The following CNTNAP2 variants were observed in gnomAD, a reference collection of about 807,000 sequenced individuals.
The protein encoded by CNTNAP2 is contactin-associated protein-like 2.
In CNTNAP2, 98 loss-of-function variants were observed where a neutral mutation model predicts 155.2. The ratio of observed to expected loss-of-function variants is 0.63; its 90% CI spans 0.54 to 0.75. CNTNAP2 has a LOEUF of 0.75. CNTNAP2 is among the 30% of genes least tolerant of loss of function. The probability of loss-of-function intolerance (pLI) is 0.00; values close to 1 mark genes in which losing one functional copy is unlikely to be tolerated. For missense variants in CNTNAP2, 1,727 were observed against 1,688.1 expected (o/e 1.02, Z -0.40); for synonymous variants, 651 against 631.2 (o/e 1.03, Z -0.47).
At chr7:147,610,055 T>G (rs762525203) in intron 12 of CNTNAP2, among the ~76,000 whole-genome samples, 10 of 152,114 alleles carry the variant, frequency 6.6e-5, no homozygotes, top group Non-Finnish European at 1.0e-4. Context: ...TAAAGCTAAA[T>G]TAGTCATTAT....
intron 8 of CNTNAP2, among the ~76,000 whole-genome samples, chr7:147,164,137 A>G (rs1802077786): frequency 6.6e-6 from 1 of 152,238 alleles, no homozygotes; most frequent in South Asian, 2.1e-4. Context: ...CATAATTGAA[A>G]GAACGTTATT....
chr7:147,937,449 A>G (rs1245879922), intron 14 of CNTNAP2, among the ~76,000 whole-genome samples: 1 of 152,158 alleles, frequency 6.6e-6, no homozygotes, highest in Non-Finnish European at 1.5e-5. Context: ...TGGGACACAA[A>G]TCATATCAAT....
At chr7:148,245,672 A>G (rs1413542608) in intron 20 of CNTNAP2, among the ~76,000 whole-genome samples, 2 of 152,150 alleles carry the variant, frequency 1.3e-5, no homozygotes, top group Admixed American at 6.5e-5. Context: ...GACTCCCCCA[A>G]GCTTTCTCTC....
chr7:148,419,073 A>G lies in CNTNAP2; in HGVS notation c.*3457A>G, dbSNP rs1244432480. The G allele has an allele frequency of 1.3e-5, 2 of 152,232 alleles. No homozygotes were observed. The highest frequency in any genetic ancestry group is 2.9e-5 in the Non-Finnish European group (2 of 68,082). The allele number at this position is 152,232 out of a possible 1,614,324, so 9.4% of individuals were successfully genotyped here. A position where few individuals can be genotyped will look rare whatever the true frequency, so the allele number is the denominator to read the frequency against. ...TGTCAAGAAGCTTTTCTTTCCTTCT[A>G]TGATGGAATCTGTTCTTTTCTATCC... On this transcript the variant is annotated 3_prime_UTR_variant, in exon 24 of 24. Coordinates refer to ENST00000361727, the MANE Select transcript of CNTNAP2 (RefSeq NM_014141.6).
At chr7:147,314,084 G>A (rs1795179534) in intron 9 of CNTNAP2, among the ~76,000 whole-genome samples, 1 of 152,128 alleles carries the variant, frequency 6.6e-6, no homozygotes, top group African/African-American at 2.4e-5. Flanking sequence ...TGGTGTATAA[G>A]AATGCATGTG....
intron 4 of CNTNAP2, among the ~76,000 whole-genome samples, chr7:147,053,507 G>A (rs1432732126): frequency 6.6e-6 from 1 of 152,044 alleles, no homozygotes; most frequent in African/African-American, 2.4e-5. Flanking sequence ...TAGAGCTAGA[G>A]TCACATCATA....
chr7:147,196,205 G>C (rs1350318451), intron 8 of CNTNAP2, among the ~76,000 whole-genome samples: 3 of 152,126 alleles, frequency 2.0e-5, no homozygotes, highest in Admixed American at 6.6e-5. Flanking sequence ...AATGTCTATG[G>C]TTTAAATCAC....
At chr7:148,388,218 T>C (rs1459202191) in intron 22 of CNTNAP2, among the ~76,000 whole-genome samples, 1 of 152,076 alleles carries the variant, frequency 6.6e-6, no homozygotes, top group Non-Finnish European at 1.5e-5. Flanking sequence ...TATGTATACA[T>C]GTGCCATGCT....
At chr7:146,792,998 AG>A (rs1201946873) in intron 2 of CNTNAP2, among the ~76,000 whole-genome samples, 1 of 152,222 alleles carries the variant, frequency 6.6e-6, no homozygotes. Context: ...AAAACTAAAA[AG>A]AAACAGGTGA....
intron 4 of CNTNAP2, among the ~76,000 whole-genome samples, chr7:147,063,221 G>A (rs753598667): frequency 3.9e-5 from 6 of 152,246 alleles, no homozygotes; most frequent in Admixed American, 1.3e-4. Context: ...TAACATGTAC[G>A]TTTTCATTTC....
chr7:146,597,475 C>T (rs896122653), intron 1 of CNTNAP2, among the ~76,000 whole-genome samples: 4 of 151,990 alleles, frequency 2.6e-5, no homozygotes, highest in African/African-American at 4.8e-5. Context: ...GACACGCACA[C>T]ACATACACAG....
intron 11 of CNTNAP2, among the ~76,000 whole-genome samples, chr7:147,503,993 A>T (rs1798863564): frequency 6.6e-6 from 1 of 152,192 alleles, no homozygotes; most frequent in East Asian, 1.9e-4. Flanking sequence ...TATTTTTCAG[A>T]TGAAAAAGCT....
intron 1 of CNTNAP2, among the ~76,000 whole-genome samples, chr7:146,452,782 C>T (rs879674746): frequency 6.6e-6 from 1 of 152,186 alleles, no homozygotes; most frequent in Non-Finnish European, 1.5e-5. Context: ...CTTGTAGAAG[C>T]TTTTACTTCC....
chr7:147,061,030 G>A (rs1047856400), intron 4 of CNTNAP2, among the ~76,000 whole-genome samples: 22 of 152,152 alleles, frequency 1.4e-4, no homozygotes, highest in Admixed American at 1.3e-3. Context: ...ATCGCTGAAA[G>A]ACAAATGCTG....
In CNTNAP2 at chr7:147,737,255, G is replaced by A. The variant is rs181711340; in HGVS notation, c.2098+97949G>A. ...TTCCTTCTAACAGCCAGGACCCTCAGCTGCAGGTCTGTTGGAGTTTGCTGG... is the reference window on the plus strand; with the variant it reads ...TTCCTTCTAACAGCCAGGACCCTCAACTGCAGGTCTGTTGGAGTTTGCTGG... On this transcript the variant is annotated intron_variant, in intron 13 of 23. Transcript: ENST00000361727. 9.4e-4 allele frequency among the ~76,000 whole-genome samples: 143 copies of A among 152,314 alleles called. 1 individual carries two copies. Among genetic ancestry groups the A allele is most frequent in the African/African-American group, 3.3e-3 (138 of 41,566 alleles).
chr7:146,516,902 A>G (rs1183307483), intron 1 of CNTNAP2, among the ~76,000 whole-genome samples: 1 of 152,044 alleles, frequency 6.6e-6, no homozygotes, highest in South Asian at 2.1e-4. Flanking sequence ...AACTGTATGC[A>G]CAGTAATTTA....
intron 1 of CNTNAP2, among the ~76,000 whole-genome samples, chr7:146,497,887 TTATATATGTTTATTC>T (rs1797243135): frequency 4.4e-5 from 6 of 136,790 alleles, no homozygotes; most frequent in Admixed American, 1.4e-4. Flanking sequence ...ATATATACAA[TTATATATGTTTATTC>T]AAACATATAT....
intron 13 of CNTNAP2, among the ~76,000 whole-genome samples, chr7:147,756,511 G>A (rs1797215398): frequency 6.6e-6 from 1 of 152,132 alleles, no homozygotes; most frequent in African/African-American, 2.4e-5. Flanking sequence ...GATTAGGATA[G>A]CCGATGTTTT....
At chr7:147,874,083 C>G (rs117599664) in intron 13 of CNTNAP2, among the ~76,000 whole-genome samples, 4,995 of 152,340 alleles carry the variant, frequency 0.033, 131 homozygotes, top group Non-Finnish European at 0.053. Flanking sequence ...ACCCCCATCT[C>G]AGCTGCTTTC....
Sources: gnomAD v4.1 joint callset for allele counts (sites outside exome capture counted in the v4.1 genomes callset) on GRCh38, gnomAD v4.1.1 for gene constraint, MANE v1.5 for transcripts, NCBI Gene and HGNC (gene_info 2026-07-23, HGNC 2026-07-21) for gene names.